Variants in RUBCN observed in about 807,000 individuals in gnomAD.
The protein encoded by RUBCN is rubicon autophagy regulator, also known as run domain Beclin-1-interacting and cysteine-rich domain-containing protein.
A neutral mutation model predicts 113.2 loss-of-function variants in RUBCN; 74 were observed. The observed-to-expected ratio is 0.65, with a 90% CI of 0.54 to 0.79. The LOEUF (loss-of-function observed/expected upper bound fraction) is 0.79. Ranked by LOEUF, RUBCN falls within the 30% of genes least tolerant of loss-of-function variation. RUBCN has a pLI of 0.00. For synonymous variants in RUBCN, 480 were observed against 490.0 expected, an observed-to-expected ratio of 0.98 and a Z score of 0.27; for missense variants, 1,109 against 1,251.7, an observed-to-expected ratio of 0.89 and a Z score of 1.72.
At chr3:197,696,126 C>A (rs917070954) in intron 8 of RUBCN, 145 bp from the exon 9 acceptor site, 23 of 815,322 alleles carry the variant, frequency 2.8e-5, no homozygotes, top group South Asian at 2.6e-4. Flanking sequence ...GAATTTCTTG[C>A]ACTTTGGGAG....
chr3:197,712,393 G>A (rs73894307), intron 2 of RUBCN, among the ~76,000 whole-genome samples: 4,543 of 152,234 alleles, frequency 0.03, 207 homozygotes, highest in African/African-American at 0.1. Flanking sequence ...AGAGCCCAGA[G>A]GGGACATGAG....
chr3:197,689,754 T>G (rs1453637436), intron 11 of RUBCN, among the ~76,000 whole-genome samples: 3 of 152,272 alleles, frequency 2.0e-5, no homozygotes, highest in Admixed American at 2.0e-4. Context: ...ATACAATGTG[T>G]AATGGTCAAA....
intron 1 of RUBCN, among the ~76,000 whole-genome samples, chr3:197,729,133 G>C (rs556402830): frequency 1.1e-3 from 166 of 145,762 alleles, no homozygotes; most frequent in Middle Eastern, 3.6e-3. Context: ...GCAACAGAGC[G>C]AGACTCCGTC....
chr3:197,679,611 C>A (rs1720946743), intron 16 of RUBCN, among the ~76,000 whole-genome samples: 1 of 150,476 alleles, frequency 6.6e-6, no homozygotes, highest in South Asian at 2.1e-4. Context: ...TACGCTCTGA[C>A]AACTGGCTTC....
chr3:197,719,119 G>T (rs1453218545), intron 1 of RUBCN, among the ~76,000 whole-genome samples: 1 of 152,130 alleles, frequency 6.6e-6, no homozygotes, highest in African/African-American at 2.4e-5. Context: ...TCTGACTCAT[G>T]ACGTGACTCT....
intron 11 of RUBCN, among the ~76,000 whole-genome samples, chr3:197,691,372 T>TGACCACCTC (rs1356996166): frequency 6.6e-6 from 1 of 152,024 alleles, no homozygotes; most frequent in Admixed American, 6.6e-5. Context: ...CGACAGTGGT[T>TGACCACCTC]CTCAGCCACG....
At position 197,674,849 on chromosome 3, in the gene RUBCN, G is replaced by GTGGTAC; in HGVS notation, c.*168_*169insGTACCA. Reference sequence around the variant, plus strand: ...CTCTGGACCCATCAACCTGCCGACGGCTGACTGCACACAGACGTCAGACAA... The same window carrying GTGGTAC: ...CTCTGGACCCATCAACCTGCCGACGGTGGTACCTGACTGCACACAGACGTCAGACAA... On this transcript the variant is annotated 3_prime_UTR_variant, in exon 20 of 20. Transcript: ENST00000296343. The GTGGTAC allele has an allele frequency of 1.7e-6, 1 of 580,408 alleles. No homozygotes were observed. The highest frequency in any genetic ancestry group is 2.6e-5 in the South Asian group (1 of 37,978). The allele number at this position is 580,408 out of a possible 1,614,324, so 36.0% of individuals were successfully genotyped here. A position where few individuals can be genotyped will look rare whatever the true frequency, so the allele number is the denominator to read the frequency against.
chr3:197,684,248 A>G, intron 11 of RUBCN, 31 bp from the exon 12 acceptor site: 1 of 1,582,728 alleles, frequency 6.3e-7, no homozygotes, highest in Non-Finnish European at 8.7e-7. Flanking sequence ...AGGGGAGCGC[A>G]ATGGAAACGG....
chr3:197,695,274 A>G (rs1414366627), intron 9 of RUBCN, among the ~76,000 whole-genome samples: 1 of 151,502 alleles, frequency 6.6e-6, no homozygotes, highest in African/African-American at 2.4e-5. Context: ...CCCCAGACGC[A>G]GTGGCTCACA....
At chr3:197,740,963 T>C (rs1728503418), upstream of RUBCN, among the ~76,000 whole-genome samples, 1 of 152,138 alleles carries the variant, frequency 6.6e-6, no homozygotes, top group South Asian at 2.1e-4. Flanking sequence ...TGCAACTTTC[T>C]CTCAAATTGT....
At position 197,681,700 on chromosome 3, in the gene RUBCN, A is replaced by G. The variant is rs1193973520; in HGVS notation, c.2191+135T>C. 5.1e-6 allele frequency: 4 copies of G among 783,518 alleles called. No individual in the cohort carries two copies. The highest frequency in any genetic ancestry group is 1.7e-5 in the African/African-American group (1 of 58,696). The allele number at this position is 783,518 out of a possible 1,614,324, so 48.5% of individuals were successfully genotyped here. ...CCGATTGCCAGCACTCTTGCCTACT[A>G]CGAACCTTTCTTTCTCCTTCCCTAC... On this transcript the variant is annotated intron_variant, in intron 15 of 19. Coordinates refer to ENST00000296343, the MANE Select transcript of RUBCN (RefSeq NM_014687.4). This position sits in a 1 kb window ranked among gnomAD's most constrained non-coding sequence, Gnocchi z 5.5.
upstream of RUBCN, among the ~76,000 whole-genome samples, chr3:197,738,857 G>C (rs1728377827): frequency 6.6e-6 from 1 of 152,028 alleles, no homozygotes; most frequent in African/African-American, 2.4e-5. Flanking sequence ...CACCCAAAAA[G>C]TATTGGGATT....
At chr3:197,711,513 A>C (rs1724961714) in intron 2 of RUBCN, among the ~76,000 whole-genome samples, 1 of 152,196 alleles carries the variant, frequency 6.6e-6, no homozygotes, top group South Asian at 2.1e-4. Flanking sequence ...AAAGAAAATC[A>C]TTGGTAATTG....
intron 2 of RUBCN, among the ~76,000 whole-genome samples, chr3:197,707,199 GT>G (rs1405289213): frequency 6.6e-6 from 1 of 152,130 alleles, no homozygotes; most frequent in Non-Finnish European, 1.5e-5. Context: ...GGGCGTGGTG[GT>G]GGGCGCCTGT....
intron 1 of RUBCN, among the ~76,000 whole-genome samples, chr3:197,726,603 G>A (rs1726785490): frequency 6.6e-6 from 1 of 151,416 alleles, no homozygotes; most frequent in Non-Finnish European, 1.5e-5. Flanking sequence ...GCAGTGGTGC[G>A]ATCTTGGCTC....
intron 1 of RUBCN, among the ~76,000 whole-genome samples, chr3:197,722,317 C>A (rs889290415): frequency 1.3e-5 from 2 of 151,842 alleles, no homozygotes; most frequent in Admixed American, 6.6e-5. Context: ...TGTTTTGTGG[C>A]CTACCATATG....
chr3:197,676,271 C>T (rs1372234939), intron 18 of RUBCN: 6 of 991,170 alleles, frequency 6.1e-6, no homozygotes, highest in African/African-American at 5.3e-5. Context: ...AAATGACGGC[C>T]GAGGGTAGAC....
chr3:197,676,615 C>T, intron 18 of RUBCN: 1 of 1,335,882 alleles, frequency 7.5e-7, no homozygotes, highest in Non-Finnish European at 9.6e-7. Context: ...GCCTGGCCAA[C>T]ACTTCTTGAG....
At chr3:197,749,475 G>A (rs1030825745) in exon 1 of RUBCN, 6 of 1,275,554 alleles carry the variant, frequency 4.7e-6, no homozygotes, top group Admixed American at 2.4e-5. Flanking sequence ...GTGCCAGGGA[G>A]GGGGGAGCTG....
Sources: gnomAD v4.1 joint callset for allele counts (sites outside exome capture counted in the v4.1 genomes callset) on GRCh38, gnomAD v4.1.1 for gene constraint, Gnocchi (gnomAD v3.1) non-coding constraint, MANE v1.5 for transcripts, NCBI Gene and HGNC (gene_info 2026-07-23, HGNC 2026-07-21) for gene names.